The following ZNF536 variants were observed in gnomAD, a reference collection of about 807,000 sequenced individuals.
The protein encoded by ZNF536 is zinc finger protein 536.
Under a neutral mutation model 84.5 loss-of-function variants are expected in ZNF536, and 13 were observed. The observed-to-expected ratio is 0.15, with a 90% CI of 0.10 to 0.24. ZNF536 has a LOEUF of 0.24. Ranked by LOEUF, ZNF536 falls within the 10% of genes least tolerant of loss-of-function variation. The pLI is 1.00. For missense variants in ZNF536, 1,536 were observed against 1,747.5 expected (o/e 0.88, Z 2.16); for synonymous variants, 811 against 742.5 (o/e 1.09, Z -1.50).
chr19:30,647,967 G>A (rs1205054834), intron 1 of ZNF536, among the ~76,000 whole-genome samples: 1 of 152,178 alleles, frequency 6.6e-6, no homozygotes, highest in Non-Finnish European at 1.5e-5. Context: ...CTCATATGAA[G>A]TCAGCTTCAG....
At chr19:30,316,751 T>A (rs2046691496) in intron 2 of ZNF536, among the ~76,000 whole-genome samples, 1 of 152,136 alleles carries the variant, frequency 6.6e-6, no homozygotes, top group Non-Finnish European at 1.5e-5. Flanking sequence ...TTTGGGAAGG[T>A]CTTCAACAGG....
chr19:30,600,473 A>AT (rs1158043709), intron 1 of ZNF536, among the ~76,000 whole-genome samples: 11 of 152,216 alleles, frequency 7.2e-5, no homozygotes, highest in African/African-American at 2.7e-4. Flanking sequence ...AGCTAAGGAG[A>AT]CAGGGCCCCC....
At chr19:30,634,914 C>G (rs1033427697) in intron 1 of ZNF536, among the ~76,000 whole-genome samples, 1 of 152,166 alleles carries the variant, frequency 6.6e-6, no homozygotes, top group Non-Finnish European at 1.5e-5. Flanking sequence ...AAAATCTCAG[C>G]TAGATGATTT....
chr19:30,350,357 G>C (rs1196713584), intron 2 of ZNF536, among the ~76,000 whole-genome samples: 1 of 152,206 alleles, frequency 6.6e-6, no homozygotes, highest in Non-Finnish European at 1.5e-5. Flanking sequence ...TGGCATTTAT[G>C]TCTGGACCAG....
At chr19:30,404,504 C>A (rs1416337211) in intron 1 of ZNF536, among the ~76,000 whole-genome samples, 1 of 152,136 alleles carries the variant, frequency 6.6e-6, no homozygotes, top group Non-Finnish European at 1.5e-5. Flanking sequence ...CCTCTCTGTG[C>A]CTCAGTTTCC....
chr19:30,635,904 C>T (rs901506663), intron 1 of ZNF536, among the ~76,000 whole-genome samples: 1 of 152,234 alleles, frequency 6.6e-6, no homozygotes, highest in African/African-American at 2.4e-5. Flanking sequence ...CCATGTGGCG[C>T]TTTCTGAGCT....
At chr19:30,412,082 G>C (rs1390780760) in intron 1 of ZNF536, among the ~76,000 whole-genome samples, 2 of 151,604 alleles carry the variant, frequency 1.3e-5, no homozygotes, top group Non-Finnish European at 2.9e-5. Flanking sequence ...TCAGTATATT[G>C]ATTTTATCTT....
Position 30,366,177 on chromosome 19 carries a change from C to T in ZNF536, c.-3+13693C>T, listed in dbSNP as rs554971785. Among the ~76,000 whole-genome samples, 8 of 152,294 alleles carry T rather than the reference C, an allele frequency of 5.3e-5. No homozygotes were observed. The South Asian group carries it at 1.2e-3, about 24-fold the overall frequency. On this transcript the variant is annotated intron_variant, in intron 3 of 5. Transcript: ENST00000585628. Reference sequence around the variant, plus strand: ...CCCTAATTGCCATTTAATCATATGCCGCTCTGGTCATATCTGACAACACTG... The same window carrying T: ...CCCTAATTGCCATTTAATCATATGCTGCTCTGGTCATATCTGACAACACTG...
intron 2 of ZNF536, among the ~76,000 whole-genome samples, chr19:30,473,067 G>A (rs554010890): frequency 3.7e-4 from 56 of 151,676 alleles, no homozygotes; most frequent in Non-Finnish European, 6.9e-4. Flanking sequence ...TTAGCCGGGC[G>A]TGGTGGCACA....
intron 1 of ZNF536, among the ~76,000 whole-genome samples, chr19:30,701,217 A>ACG (rs1247881776): frequency 2.0e-5 from 3 of 149,332 alleles, no homozygotes; most frequent in Admixed American, 1.3e-4. Flanking sequence ...ACACACACAC[A>ACG]CGCAAACACA....
intron 1 of ZNF536, among the ~76,000 whole-genome samples, chr19:30,230,958 G>C (rs2022991928): frequency 6.9e-6 from 1 of 145,534 alleles, no homozygotes; most frequent in Non-Finnish European, 1.5e-5. Flanking sequence ...ATACTCATGA[G>C]AATATAGATG....
At chr19:30,418,491 A>C (rs2147812765) in intron 1 of ZNF536, among the ~76,000 whole-genome samples, 1 of 152,290 alleles carries the variant, frequency 6.6e-6, no homozygotes, top group African/African-American at 2.4e-5. Context: ...GTTTTTTGTA[A>C]AATTTCAAAT....
intron 2 of ZNF536, among the ~76,000 whole-genome samples, chr19:30,299,877 C>CT (rs2046122420): frequency 6.6e-6 from 1 of 152,158 alleles, no homozygotes; most frequent in Middle Eastern, 3.4e-3. Flanking sequence ...GAAATTGCTG[C>CT]TTTTTTATAT....
At chr19:30,578,538 A>G (rs997525998) in intron 1 of ZNF536, among the ~76,000 whole-genome samples, 2 of 152,202 alleles carry the variant, frequency 1.3e-5, no homozygotes, top group African/African-American at 4.8e-5. Context: ...TCTCTATGTA[A>G]GTTTTTCTGG....
At chr19:30,615,720 G>A (rs556924736) in intron 1 of ZNF536, among the ~76,000 whole-genome samples, 32 of 152,138 alleles carry the variant, frequency 2.1e-4, no homozygotes, top group African/African-American at 7.5e-4. Flanking sequence ...TAGATTTATA[G>A]GAAGAATTAA....
At chr19:30,592,790 A>G (rs2047319873) in intron 1 of ZNF536, among the ~76,000 whole-genome samples, 1 of 152,148 alleles carries the variant, frequency 6.6e-6, no homozygotes, top group African/African-American at 2.4e-5. Flanking sequence ...CGGGTGATGG[A>G]CATATCCGCT....
rs147278037 is a variant in ZNF536, at chr19:30,314,270, C to T, written c.-120+30129C>T. ...CATGGTGTCCCTGGGAATGGAGTCT[C>T]GAGCGGGGCGGTGCGGGCTGGACTA... On this transcript the variant is annotated intron_variant, in intron 2 of 5. Transcript: ENST00000585628. 1.9e-3 allele frequency among the ~76,000 whole-genome samples: 286 copies of T among 152,246 alleles called. 3 individuals carry two copies. The highest frequency in any genetic ancestry group is 5.2e-3 in the African/African-American group (215 of 41,550).
intron 3 of ZNF536, among the ~76,000 whole-genome samples, chr19:30,359,254 A>G (rs899499295): frequency 2.0e-5 from 3 of 152,204 alleles, no homozygotes; most frequent in African/African-American, 4.8e-5. Context: ...GTGATTCCTG[A>G]GCACAGGGGC....
intron 2 of ZNF536, among the ~76,000 whole-genome samples, chr19:30,297,992 T>C (rs2046063166): frequency 6.6e-6 from 1 of 151,336 alleles, no homozygotes; most frequent in South Asian, 2.1e-4. Flanking sequence ...AGGATTCTCC[T>C]GCCTCAGCCT....
Sources: allele counts gnomAD v4.1 joint callset (sites outside exome capture counted in the v4.1 genomes callset), GRCh38; gene constraint gnomAD v4.1.1; transcripts MANE v1.5; gene names NCBI Gene and HGNC (gene_info 2026-07-23, HGNC 2026-07-21).